CASQ2: variants seen among roughly 807,000 people sequenced by gnomAD.
The protein encoded by CASQ2 is calsequestrin 2.
In CASQ2, 49 loss-of-function variants were observed where a neutral mutation model predicts 46.5. The observed-to-expected ratio is 1.05, with a 90% CI of 0.84 to 1.34. The LOEUF (loss-of-function observed/expected upper bound fraction) is 1.34, where lower values mean the gene tolerates loss of function less well. CASQ2 is among the 40% of genes most tolerant of loss of function. The pLI, the probability that CASQ2 is intolerant of heterozygous loss-of-function variation, is 0.00. For synonymous variants in CASQ2, 174 were observed against 168.5 expected (o/e 1.03, Z -0.25); for missense variants, 486 against 481.3 (o/e 1.01, Z -0.09).
chr1:115,735,382 T>C (rs1040502338), intron 4 of CASQ2, among the ~76,000 whole-genome samples: 22 of 152,362 alleles, frequency 1.4e-4, no homozygotes, highest in Admixed American at 3.9e-4. Flanking sequence ...AAAACTATGC[T>C]ATGAATTATG....
At chr1:115,704,430 T>G (rs1654300064) in intron 9 of CASQ2, among the ~76,000 whole-genome samples, 1 of 152,182 alleles carries the variant, frequency 6.6e-6, no homozygotes, top group East Asian at 1.9e-4. Context: ...GGGATTATAA[T>G]AGTACCTACT....
chr1:115,713,217 A>G (rs1374331456), intron 8 of CASQ2, among the ~76,000 whole-genome samples: 1 of 152,212 alleles, frequency 6.6e-6, no homozygotes, highest in Non-Finnish European at 1.5e-5. Flanking sequence ...CCTGACACAG[A>G]CACATCTAGG....
chr1:115,709,561 A>G (rs1654477081), intron 8 of CASQ2, among the ~76,000 whole-genome samples: 1 of 152,200 alleles, frequency 6.6e-6, no homozygotes, highest in African/African-American at 2.4e-5. Flanking sequence ...CAAGTAGAGG[A>G]CTATTCTCTG....
chr1:115,748,636 C>T (rs1328371983), intron 1 of CASQ2, among the ~76,000 whole-genome samples: 3 of 151,922 alleles, frequency 2.0e-5, no homozygotes, highest in Non-Finnish European at 4.4e-5. Context: ...TTCTGCAGTG[C>T]CTAAACAGAC....
chr1:115,751,175 C>G (rs1454468889), intron 1 of CASQ2, among the ~76,000 whole-genome samples: 1 of 152,222 alleles, frequency 6.6e-6, no homozygotes, highest in Non-Finnish European at 1.5e-5. Context: ...GCTTAGTAAA[C>G]ATTAGATTTT....
chr1:115,761,473 A>AAGAAGAAGGAGG (rs1648948695), intron 1 of CASQ2, among the ~76,000 whole-genome samples: 1 of 16,398 alleles, frequency 6.1e-5, no homozygotes, highest in Non-Finnish European at 1.4e-4. Flanking sequence ...GGAGAAGAAG[A>AAGAAGAAGGAGG]AGAAGAAGAA....
At chr1:115,714,380 T>G (rs933964351) in intron 8 of CASQ2, among the ~76,000 whole-genome samples, 2 of 152,208 alleles carry the variant, frequency 1.3e-5, no homozygotes, top group African/African-American at 4.8e-5. Flanking sequence ...CTCACGTTCC[T>G]CATCTGACAC....
chr1:115,738,218 A>G lies in CASQ2; in HGVS notation c.532+6T>C. Reference sequence around the variant, plus strand: ...ACTGATCGGCTGGGGTTGGCAGACAACTTACATTCTGAGTCCTCACTCTTG... The same window carrying G: ...ACTGATCGGCTGGGGTTGGCAGACAGCTTACATTCTGAGTCCTCACTCTTG... On this transcript the variant is annotated splice_donor_region_variant and intron_variant, in intron 4 of 10. Coordinates refer to ENST00000261448, the MANE Select transcript of CASQ2 (RefSeq NM_001232.4). 5.8e-6 allele frequency: 9 copies of G among 1,559,066 alleles called. No individual in the cohort carries two copies. Among genetic ancestry groups the G allele is most frequent in the Non-Finnish European group, 8.0e-6 (9 of 1,129,802 alleles).
chr1:115,705,235 G>A lies in CASQ2; in HGVS notation c.896C>T (p.Pro299Leu). Reference sequence around the variant, plus strand: ...GTCGATCCACAGGATGCTCAGATCGGGGTTGTCAGTATTGTCCCGGGCAAC... The same window carrying A: ...GTCGATCCACAGGATGCTCAGATCGAGGTTGTCAGTATTGTCCCGGGCAAC... The part of the protein sequence containing the change: ...KQVARDNTDN[P>L]DLSILWIDPD... The change falls in exon 9 of 11, where the codon CCC becomes CTC. Residue 299 changes from proline (P) to leucine (L), a missense_variant. By Grantham distance (98) the Pro-to-Leu change is moderately conservative (BLOSUM62 -3). Coordinates refer to ENST00000261448, the MANE Select transcript of CASQ2 (RefSeq NM_001232.4). The A allele has an allele frequency of 6.2e-7, 1 of 1,614,100 alleles. No individual in the cohort carries two copies. Among genetic ancestry groups the A allele is most frequent in the Non-Finnish European group, 8.5e-7 (1 of 1,179,910 alleles).
chr1:115,756,387 A>T (rs927875183), intron 1 of CASQ2, among the ~76,000 whole-genome samples: 25 of 152,338 alleles, frequency 1.6e-4, no homozygotes, highest in African/African-American at 5.3e-4. Flanking sequence ...GAACAGGCTC[A>T]GTTCTTCAGG....
At chr1:115,726,951 CAGA>C (rs1647614235) in intron 6 of CASQ2, 38 bp downstream of exon 6, 111 of 1,244,804 alleles carry the variant, frequency 8.9e-5, no homozygotes, top group Non-Finnish European at 1.1e-4. Flanking sequence ...CTCCATTCCC[CAGA>C]CCCCAGGCCC....
chr1:115,752,285 C>T (rs760209487), intron 1 of CASQ2, among the ~76,000 whole-genome samples: 32 of 152,178 alleles, frequency 2.1e-4, no homozygotes, highest in Non-Finnish European at 4.0e-4. Context: ...TGCAAGTGCA[C>T]ATTAATTTAT....
In CASQ2 at chr1:115,725,520, C is replaced by T. The variant is rs1432511040; in HGVS notation, c.771G>A (p.Met257Ile). 14 of 1,236,382 alleles carry T rather than the reference C, an allele frequency of 1.1e-5. No homozygotes were observed. The highest frequency in any genetic ancestry group is 1.5e-5 in the Non-Finnish European group (13 of 873,648). The allele number at this position is 1,236,382 out of a possible 1,614,324, so 76.6% of individuals were successfully genotyped here. A position where few individuals can be genotyped will look rare whatever the true frequency, so the allele number is the denominator to read the frequency against. Residue 257 changes from methionine (M) to isoleucine (I), a missense_variant, in exon 7 of 11, where the codon ATG becomes ATA. Met to Ile is a conservative substitution (Grantham distance 10). Coordinates refer to ENST00000261448, the MANE Select transcript of CASQ2 (RefSeq NM_001232.4). ...PTLRRLRPEE[M>I]FETWEDDLNG... ...GCCTCTTTCTTACCCATGTTTCAAA[C>T]ATTTCTTCTGGGCGCAGGCGACGTA...
Position 115,768,571 on chromosome 1 carries a change from A to C in CASQ2, c.-30T>G. On this transcript the variant is annotated 5_prime_UTR_variant, in exon 1 of 11. Coordinates refer to ENST00000261448, the MANE Select transcript of CASQ2 (RefSeq NM_001232.4). ...GAAAACTTTTGTTTCTCGTTCCCAA[A>C]TATGCTGTGTGCAGAATAGAGGACA... The C allele has an allele frequency of 5.6e-6, 8 of 1,423,272 alleles. No individual in the cohort carries two copies. The highest frequency in any genetic ancestry group is 2.3e-5 in the East Asian group (1 of 43,648). 88.2% of individuals were successfully genotyped at this position (1,423,272 alleles called of 1,614,324 possible). A position where few individuals can be genotyped will look rare whatever the true frequency, so the allele number is the denominator to read the frequency against.
At position 115,701,236 on chromosome 1, in the gene CASQ2, T is replaced by C; in HGVS notation, c.*5A>G. 1.2e-6 allele frequency: 2 copies of C among 1,613,832 alleles called. No individual in the cohort carries two copies. The highest frequency in any genetic ancestry group is 8.5e-7 in the Non-Finnish European group (1 of 1,179,846). On this transcript the variant is annotated 3_prime_UTR_variant, in exon 11 of 11. Transcript: ENST00000261448. ...TTGTTTTCATCAGAATTGTTTGGAG[T>C]TGGGCTATTCATCATCATCGTCATC...
At chr1:115,718,227 A>G (rs1317092148) in intron 7 of CASQ2, among the ~76,000 whole-genome samples, 1 of 152,250 alleles carries the variant, frequency 6.6e-6, no homozygotes, top group Non-Finnish European at 1.5e-5. Context: ...AGTAAAAGGC[A>G]AAATGAGAAA....
At chr1:115,758,078 C>T (rs978144447) in intron 1 of CASQ2, among the ~76,000 whole-genome samples, 4 of 152,132 alleles carry the variant, frequency 2.6e-5, no homozygotes, top group Admixed American at 6.5e-5. Flanking sequence ...GACATCTGTC[C>T]CTTCATAAGT....
At chr1:115,756,493 A>C (rs913054147) in intron 1 of CASQ2, among the ~76,000 whole-genome samples, 1 of 152,244 alleles carries the variant, frequency 6.6e-6, no homozygotes, top group African/African-American at 2.4e-5. Flanking sequence ...TGTAAAGCTC[A>C]AACTGCCGCA....
chr1:115,758,554 G>A (rs940612388), intron 1 of CASQ2, among the ~76,000 whole-genome samples: 2 of 152,216 alleles, frequency 1.3e-5, no homozygotes, highest in African/African-American at 4.8e-5. Context: ...GATCCCCAAT[G>A]TTGGAGGTGG....
Sources: gnomAD v4.1 joint callset for allele counts (sites outside exome capture counted in the v4.1 genomes callset) on GRCh38, gnomAD v4.1.1 for gene constraint, MANE v1.5 for transcripts, NCBI Gene and HGNC (gene_info 2026-07-23, HGNC 2026-07-21) for gene names.